The following FMN1 variants were observed in gnomAD, a reference collection of about 807,000 sequenced individuals.
FMN1 encodes the protein formin-1.
A neutral mutation model predicts 132.4 loss-of-function variants in FMN1; 110 were observed. The ratio of observed to expected loss-of-function variants is 0.83; its 90% CI spans 0.71 to 0.97. The LOEUF (loss-of-function observed/expected upper bound fraction) is 0.97, where lower values mean the gene tolerates loss of function less well. Ranked by LOEUF, FMN1 falls within the 50% of genes least tolerant of loss-of-function variation. The pLI is 0.00. For missense variants in FMN1, 1,792 were observed against 1,705.3 expected, an observed-to-expected ratio of 1.05 and a Z score of -0.90; for synonymous variants, 722 against 651.7, an observed-to-expected ratio of 1.11 and a Z score of -1.64.
At position 33,153,126 on chromosome 15, in the gene FMN1, A is replaced by T. The variant is rs563705892; in HGVS notation, c.1789T>A (p.Leu597Met). 2.2e-5 allele frequency: 34 copies of T among 1,535,986 alleles called. No individual in the cohort carries two copies. In the East Asian group the frequency reaches 3.4e-4, roughly 15 times the overall value. Residue 597 changes from leucine (L) to methionine (M), a missense_variant, in exon 4 of 21, where the codon TTG (leucine) becomes ATG (methionine). Around this residue, in one of 3 missense-constraint regions of FMN1, gnomAD observed 1,150 missense variants for 1,043.1 expected, o/e 1.10. Coordinates refer to ENST00000616417, the MANE Select transcript of FMN1 (RefSeq NM_001277313.2). ...TTTTCCAAAGTTTCCCCAGGCACCA[A>T]CCGAGGTTGGCCTGCTCTGAGGAAG... is the stretch of plus-strand genomic sequence containing the variant. Reference protein sequence around the residue: ...PAFLRAGQPRLVPGETLEKSL... With the variant: ...PAFLRAGQPRMVPGETLEKSL...
chr15:32,949,247 C>G (rs59689161), intron 9 of FMN1, among the ~76,000 whole-genome samples: 12,630 of 151,980 alleles, frequency 0.083, 819 homozygotes, highest in African/African-American at 0.17. Context: ...CAACCCTAAG[C>G]AAAAAGAACA....
intron 6 of FMN1, 40 bp downstream of exon 6, chr15:33,064,917 A>C: frequency 3.5e-4 from 483 of 1,365,612 alleles, no homozygotes; most frequent in Middle Eastern, 7.3e-4. Flanking sequence ...CATTGCAGGA[A>C]GAGATTCATT....
intron 6 of FMN1, among the ~76,000 whole-genome samples, chr15:33,052,166 C>A (rs1299801852): frequency 1.3e-5 from 2 of 152,154 alleles, no homozygotes; most frequent in African/African-American, 4.8e-5. Context: ...AAGGTTCCTT[C>A]CAGTTCAAAG....
chr15:33,040,558 A>C (rs887461538), intron 6 of FMN1, among the ~76,000 whole-genome samples: 4 of 152,236 alleles, frequency 2.6e-5, no homozygotes, highest in African/African-American at 9.6e-5. Flanking sequence ...GCACCAATGA[A>C]TTAGACACTA....
chr15:33,142,633 A>C (rs756753291), intron 4 of FMN1, among the ~76,000 whole-genome samples: 6 of 152,230 alleles, frequency 3.9e-5, no homozygotes, highest in Admixed American at 1.3e-4. Flanking sequence ...CAGCATATTA[A>C]TATAATGACT....
intron 16 of FMN1, among the ~76,000 whole-genome samples, chr15:32,858,931 C>T (rs1402213950): frequency 6.6e-6 from 1 of 152,122 alleles, no homozygotes; most frequent in East Asian, 1.9e-4. Context: ...ATTCTTTTCT[C>T]AAAATAGGAC....
intron 16 of FMN1, 57 bp downstream of exon 16, chr15:32,888,115 A>G (rs922834816): frequency 2.7e-5 from 39 of 1,469,788 alleles, no homozygotes; most frequent in African/African-American, 4.2e-5. Flanking sequence ...ATCCTCTTAA[A>G]ACATTTTTTA....
intron 10 of FMN1, among the ~76,000 whole-genome samples, chr15:32,918,599 C>T (rs113064326): frequency 3.5e-4 from 54 of 152,290 alleles, no homozygotes; most frequent in African/African-American, 1.3e-3. Flanking sequence ...CTTTTACAGG[C>T]GCAATTAAGA....
chr15:33,043,552 G>A (rs2036539846), intron 6 of FMN1, among the ~76,000 whole-genome samples: 1 of 152,206 alleles, frequency 6.6e-6, no homozygotes, highest in Non-Finnish European at 1.5e-5. Context: ...ATTGTTCATT[G>A]CTCAATTAAA....
chr15:33,076,121 A>G (rs1445251119), intron 5 of FMN1, among the ~76,000 whole-genome samples: 1 of 152,132 alleles, frequency 6.6e-6, no homozygotes, highest in Non-Finnish European at 1.5e-5. Flanking sequence ...CAGGGGGATG[A>G]GGGTTGGTGG....
chr15:32,975,924 G>A (rs893131437), intron 7 of FMN1, among the ~76,000 whole-genome samples: 1 of 151,876 alleles, frequency 6.6e-6, no homozygotes, highest in African/African-American at 2.4e-5. Flanking sequence ...AGATATCATC[G>A]AAGGAACACA....
intron 7 of FMN1, among the ~76,000 whole-genome samples, chr15:32,990,282 GGCA>G (rs963912344): frequency 6.6e-6 from 1 of 152,056 alleles, no homozygotes; most frequent in African/African-American, 2.4e-5. Context: ...ACACTGGGAG[GGCA>G]GCAAAGAAGA....
chr15:33,053,033 T>G (rs1415615724), intron 6 of FMN1, among the ~76,000 whole-genome samples: 1 of 152,042 alleles, frequency 6.6e-6, no homozygotes, highest in African/African-American at 2.4e-5. Context: ...TGCTGAAAGT[T>G]GTTCCATTGT....
At chr15:32,815,609 A>T (rs987924353) in intron 17 of FMN1, among the ~76,000 whole-genome samples, 3 of 152,258 alleles carry the variant, frequency 2.0e-5, no homozygotes, top group Admixed American at 6.5e-5. Context: ...TTAAACAATA[A>T]TAGGAGACTG....
intron 9 of FMN1, among the ~76,000 whole-genome samples, chr15:32,945,086 G>T (rs1035848163): frequency 1.3e-5 from 2 of 152,008 alleles, no homozygotes; most frequent in Non-Finnish European, 2.9e-5. Flanking sequence ...CTAATACAGG[G>T]GCTGATATTT....
chr15:33,181,359 C>T (rs1965693696), intron 2 of FMN1, among the ~76,000 whole-genome samples: 1 of 152,226 alleles, frequency 6.6e-6, no homozygotes. Context: ...TCTCTCCTGC[C>T]TCTTCCGAGC....
intron 16 of FMN1, among the ~76,000 whole-genome samples, chr15:32,879,259 TTTGC>T (rs1412385218): frequency 1.3e-5 from 2 of 152,218 alleles, no homozygotes; most frequent in African/African-American, 2.4e-5. Context: ...TTTCTAAAAC[TTTGC>T]TTGCAAAACT....
intron 5 of FMN1, among the ~76,000 whole-genome samples, chr15:33,080,212 C>T (rs942385281): frequency 1.3e-5 from 2 of 152,086 alleles, no homozygotes; most frequent in East Asian, 1.9e-4. Context: ...TACAAAAATG[C>T]GGCCCTCTCC....
intron 9 of FMN1, among the ~76,000 whole-genome samples, chr15:32,934,513 T>A (rs1416172705): frequency 6.6e-6 from 1 of 152,102 alleles, no homozygotes; most frequent in East Asian, 1.9e-4. Flanking sequence ...TCATTTCTTG[T>A]AAGTCTAGTG....
Sources: gnomAD v4.1 joint callset for allele counts (sites outside exome capture counted in the v4.1 genomes callset) on GRCh38, gnomAD v4.1.1 for gene constraint, gnomAD v4.1.1 regional missense constraint, MANE v1.5 for transcripts, NCBI Gene and HGNC (gene_info 2026-07-23, HGNC 2026-07-21) for gene names.